The following ROBO2 variants were observed in gnomAD, a reference collection of about 807,000 sequenced individuals.
The protein encoded by ROBO2 is roundabout homolog 2.
ROBO2 carries 53 observed loss-of-function variants against 160.8 expected under a neutral mutation model. That is an observed-to-expected ratio of 0.33 (90% CI 0.26 to 0.41). ROBO2 has a LOEUF of 0.41. ROBO2 is among the 10% of genes least tolerant of loss of function. The probability of loss-of-function intolerance (pLI) is 1.00; values close to 1 mark genes in which losing one functional copy is unlikely to be tolerated. For synonymous variants in ROBO2, 664 were observed against 611.7 expected, an observed-to-expected ratio of 1.09 and a Z score of -1.26; for missense variants, 1,577 against 1,722.4, an observed-to-expected ratio of 0.92 and a Z score of 1.49.
At chr3:76,673,005 T>G (rs1351019134) in intron 2 of ROBO2, among the ~76,000 whole-genome samples, 1 of 151,968 alleles carries the variant, frequency 6.6e-6, no homozygotes, top group Non-Finnish European at 1.5e-5. Context: ...ACAAGTGTCT[T>G]AAGTGACAGA....
intron 2 of ROBO2, among the ~76,000 whole-genome samples, chr3:76,961,258 A>C (rs1021766527): frequency 3.6e-4 from 54 of 151,902 alleles, no homozygotes; most frequent in Admixed American, 2.2e-3. Flanking sequence ...AAAAAAAAAA[A>C]AAAAAAAAAA....
chr3:77,230,680 T>C (rs968887787), intron 2 of ROBO2, among the ~76,000 whole-genome samples: 6 of 152,178 alleles, frequency 3.9e-5, no homozygotes, highest in African/African-American at 1.4e-4. Context: ...ATTTCTTTAA[T>C]GAAAATACTG....
At chr3:77,222,070 C>T (rs2085891019) in intron 2 of ROBO2, among the ~76,000 whole-genome samples, 1 of 151,914 alleles carries the variant, frequency 6.6e-6, no homozygotes, top group South Asian at 2.1e-4. Flanking sequence ...CCAGGAGGCT[C>T]TCGATCTCTT....
chr3:76,145,860 A>T (rs7651503), intron 2 of ROBO2, among the ~76,000 whole-genome samples: 52,554 of 151,836 alleles, frequency 0.35, 10,901 homozygotes, highest in South Asian at 0.49. Flanking sequence ...TCATTCACAA[A>T]TATCACCTGT....
chr3:76,392,016 A>G (rs2077178006), intron 2 of ROBO2, among the ~76,000 whole-genome samples: 5 of 152,200 alleles, frequency 3.3e-5, no homozygotes, highest in African/African-American at 1.2e-4. Context: ...TTAAACATAT[A>G]TATGAGCATT....
At chr3:76,021,474 A>T (rs17013671) in intron 2 of ROBO2, among the ~76,000 whole-genome samples, 5,281 of 151,840 alleles carry the variant, frequency 0.035, 118 homozygotes, top group Non-Finnish European at 0.053. Flanking sequence ...AAGCTCTGCC[A>T]TACCTGTATC....
intron 2 of ROBO2, among the ~76,000 whole-genome samples, chr3:77,170,090 A>T (rs1396482337): frequency 1.3e-5 from 2 of 152,108 alleles, no homozygotes; most frequent in Non-Finnish European, 2.9e-5. Context: ...CAGAGCTGAC[A>T]CCTGTCACCT....
intron 2 of ROBO2, among the ~76,000 whole-genome samples, chr3:76,947,329 G>T (rs930500257): frequency 6.6e-5 from 10 of 151,840 alleles, no homozygotes; most frequent in African/African-American, 2.2e-4. Context: ...TTTTCTAAAA[G>T]AATTTCATTC....
intron 17 of ROBO2, among the ~76,000 whole-genome samples, chr3:77,594,065 A>C (rs570268674): frequency 6.6e-6 from 1 of 152,216 alleles, no homozygotes; most frequent in South Asian, 2.1e-4. Context: ...CAAGCTGTAC[A>C]CTTCTAAACA....
chr3:77,409,067 T>A (rs2153519357), intron 2 of ROBO2, among the ~76,000 whole-genome samples: 1 of 148,088 alleles, frequency 6.8e-6, no homozygotes, highest in African/African-American at 2.5e-5. Flanking sequence ...AAAGAATTGT[T>A]TATGCTAGCA....
chr3:76,159,485 T>C (rs534402395), intron 2 of ROBO2, among the ~76,000 whole-genome samples: 1 of 152,276 alleles, frequency 6.6e-6, no homozygotes, highest in South Asian at 2.1e-4. Context: ...GGACTGCTAC[T>C]TGTAGTATCC....
Position 77,040,679 on chromosome 3 carries a change from G to T in ROBO2, c.-107G>T. On this transcript the variant is annotated 5_prime_UTR_variant, in exon 1 of 26. The change creates a new upstream start codon in the 5' untranslated region. Transcript: ENST00000461745. ...TCTTCTTGACTTTAATTAGTATCTAGGAAAGTCTAAACTTTGGACCTACCT... is the reference window on the plus strand; with the variant it reads ...TCTTCTTGACTTTAATTAGTATCTATGAAAGTCTAAACTTTGGACCTACCT... 1 of 1,599,744 alleles carries T rather than the reference G, an allele frequency of 6.3e-7. No individual in the cohort carries two copies.
At chr3:77,370,499 C>T (rs1298562978) in intron 2 of ROBO2, among the ~76,000 whole-genome samples, 1 of 152,136 alleles carries the variant, frequency 6.6e-6, no homozygotes, top group East Asian at 1.9e-4. Context: ...TTGCTGCCTC[C>T]TTCTTCCCTG....
chr3:77,637,587 CGTA>C (rs1390575281), intron 24 of ROBO2, among the ~76,000 whole-genome samples: 2 of 152,068 alleles, frequency 1.3e-5, no homozygotes, highest in Non-Finnish European at 2.9e-5. Flanking sequence ...TAAAACTATT[CGTA>C]GTGTTCATCT....
Position 76,550,563 on chromosome 3 carries a change from G to T in ROBO2, c.110-547451G>T, listed in dbSNP as rs562848287. On this transcript the variant is annotated intron_variant, in intron 2 of 26. Coordinates refer to the ROBO2 transcript ENST00000487694. ...GAGCCCTGCCCCCTTCCAAGTTGGT[G>T]GGGTAGAAGCCCCTCACTCCCAGGC... is the stretch of plus-strand genomic sequence containing the variant. Among the ~76,000 whole-genome samples the T allele has an allele frequency of 2.6e-5, 4 of 152,310 alleles. No homozygotes were observed. The East Asian group carries it at 7.7e-4, about 29-fold the overall frequency.
intron 2 of ROBO2, among the ~76,000 whole-genome samples, chr3:76,325,709 G>A (rs1373900002): frequency 6.7e-6 from 1 of 149,340 alleles, no homozygotes; most frequent in Non-Finnish European, 1.5e-5. Context: ...AGAATAAAAG[G>A]CCAAATTAAA....
Position 76,152,290 on chromosome 3 carries a change from G to A in ROBO2, c.109+214688G>A, listed in dbSNP as rs150728714. Among the ~76,000 whole-genome samples the A allele has an allele frequency of 1.4e-3, 207 of 152,110 alleles. 1 individual carries two copies. The highest frequency in any genetic ancestry group is 4.7e-3 in the African/African-American group (197 of 41,498). Reference sequence around the variant, plus strand: ...ACTTGTGGGTTATAAGTTAATTTAGGGGGAAAATGCTATTATAGATTTGGA... The same window carrying A: ...ACTTGTGGGTTATAAGTTAATTTAGAGGGAAAATGCTATTATAGATTTGGA... On this transcript the variant is annotated intron_variant, in intron 2 of 26. Transcript: ENST00000487694.
intron 2 of ROBO2, among the ~76,000 whole-genome samples, chr3:76,446,643 C>T (rs2077197530): frequency 6.6e-6 from 1 of 152,192 alleles, no homozygotes; most frequent in Non-Finnish European, 1.5e-5. Context: ...TCAAACTATA[C>T]TACAAGGCTG....
intron 2 of ROBO2, among the ~76,000 whole-genome samples, chr3:76,587,013 T>C (rs951756837): frequency 5.9e-5 from 9 of 152,294 alleles, no homozygotes; most frequent in African/African-American, 1.2e-4. Context: ...ACTAGAAATA[T>C]GCTTCTTTTT....
Sources: allele counts gnomAD v4.1 joint callset (sites outside exome capture counted in the v4.1 genomes callset), GRCh38; gene constraint gnomAD v4.1.1; transcripts MANE v1.5; gene names NCBI Gene and HGNC (gene_info 2026-07-23, HGNC 2026-07-21).